P4HA2: variants seen among roughly 807,000 people sequenced by gnomAD.
The protein encoded by P4HA2 is prolyl 4-hydroxylase subunit alpha 2.
In P4HA2, 46 loss-of-function variants were observed where a neutral mutation model predicts 76.9. That is an observed-to-expected ratio of 0.60 (90% confidence interval 0.47 to 0.76). The LOEUF (loss-of-function observed/expected upper bound fraction) is 0.76, where lower values mean the gene tolerates loss of function less well. Among genes scored for constraint, P4HA2 ranks in the 30% least tolerant of loss-of-function variants. P4HA2 has a pLI of 0.00. For synonymous variants in P4HA2, 243 were observed against 254.0 expected (o/e 0.96, Z 0.41); for missense variants, 583 against 669.4 (o/e 0.87, Z 1.42).
Position 132,217,213 on chromosome 5 carries a change from C to A in P4HA2, c.315G>T (p.Leu105=), listed in dbSNP as rs200837492. 1 of 1,614,126 alleles carries A rather than the reference C, an allele frequency of 6.2e-7. No individual in the cohort carries two copies. The highest frequency in any genetic ancestry group is 1.1e-5 in the South Asian group (1 of 91,060). ...TDWPALEDLV[L]QDSAAGFIAN... The stretch of plus-strand genomic sequence containing the variant: ...GTCCCTCACCTGCAGCTGAGTCCTG[C>A]AGGACAAGGTCCTCCAGCGCAGGCC... Residue 105 remains leucine (L), a synonymous_variant, in exon 4 of 15, where the codon CTG becomes CTT. Transcript: ENST00000360568.
chr5:132,219,498 A>G (rs1754356013), intron 1 of P4HA2, among the ~76,000 whole-genome samples: 1 of 152,134 alleles, frequency 6.6e-6, no homozygotes, highest in African/African-American at 2.4e-5. Flanking sequence ...ACCTGAGACA[A>G]ACCCCACTGG....
chr5:132,211,036 C>T (rs1216666664), intron 5 of P4HA2, among the ~76,000 whole-genome samples: 1 of 152,204 alleles, frequency 6.6e-6, no homozygotes, highest in Non-Finnish European at 1.5e-5. Context: ...CCAGAAAGAA[C>T]AGACAATGAA....
At chr5:132,225,727 T>C (rs978939318) in intron 1 of P4HA2, among the ~76,000 whole-genome samples, 2 of 152,212 alleles carry the variant, frequency 1.3e-5, no homozygotes, top group African/African-American at 4.8e-5. Flanking sequence ...TGAGATCAGC[T>C]GGGGCCAGTC....
At position 132,218,196 on chromosome 5, in the gene P4HA2, A is replaced by G. The variant is rs138666817; in HGVS notation, c.83-348T>C. On this transcript the variant is annotated intron_variant, in intron 2 of 14. Coordinates refer to ENST00000360568, the MANE Select transcript of P4HA2 (RefSeq NM_001017974.2). Reference sequence around the variant, plus strand: ...CTCACCACAGGATAAAAAGCTCTGAACTTTAGGTCGGAAGGATAGGAAAAG... The same window carrying G: ...CTCACCACAGGATAAAAAGCTCTGAGCTTTAGGTCGGAAGGATAGGAAAAG... 1.4e-4 allele frequency among the ~76,000 whole-genome samples: 22 copies of G among 152,304 alleles called. 1 individual carries two copies. Among genetic ancestry groups the G allele is most frequent in the Non-Finnish European group, 3.1e-4 (21 of 68,018 alleles).
chr5:132,213,346 G>A (rs1014641074), intron 5 of P4HA2, among the ~76,000 whole-genome samples: 8 of 152,168 alleles, frequency 5.3e-5, no homozygotes, highest in Non-Finnish European at 8.8e-5. Flanking sequence ...TGGACAGAGT[G>A]TAGATTACTC....
At chr5:132,212,288 G>C (rs2126598779) in intron 5 of P4HA2, among the ~76,000 whole-genome samples, 1 of 152,314 alleles carries the variant, frequency 6.6e-6, no homozygotes, top group South Asian at 2.1e-4. Context: ...GTGAACAAAT[G>C]TGTGCTTAAG....
rs189889054 is a variant in P4HA2 at position 132,190,419 on chromosome 5, C to G, written c.*2591G>C. Among the ~76,000 whole-genome samples, 1 of 152,126 alleles carries G rather than the reference C, an allele frequency of 6.6e-6. No homozygotes were observed. Among genetic ancestry groups the G allele is most frequent in the Non-Finnish European group, 1.5e-5 (1 of 68,026 alleles). On this transcript the variant is annotated 3_prime_UTR_variant, in exon 15 of 15. Transcript: ENST00000360568. ...TGGAAGCCACTAGAGGGAGATTAGA[C>G]GGCAGTAGATAGCAATTGCCCTAGA...
At chr5:132,222,289 A>G (rs1486086080) in intron 1 of P4HA2, among the ~76,000 whole-genome samples, 2 of 152,196 alleles carry the variant, frequency 1.3e-5, no homozygotes, top group Non-Finnish European at 2.9e-5. Flanking sequence ...TCAGCCTAAG[A>G]GGATCCAGAG....
intron 8 of P4HA2, among the ~76,000 whole-genome samples, chr5:132,204,758 A>G (rs1434876225): frequency 6.6e-6 from 1 of 152,202 alleles, no homozygotes; most frequent in African/African-American, 2.4e-5. Flanking sequence ...TCAGATGATA[A>G]AACCAGGAAA....
intron 5 of P4HA2, 97 bp from the exon 6 acceptor site, chr5:132,210,620 G>A (rs994138196): frequency 1.7e-6 from 2 of 1,158,062 alleles, no homozygotes; most frequent in Non-Finnish European, 2.6e-6. Flanking sequence ...TGGATAGGGG[G>A]CATCACCAAG....
At chr5:132,203,933 A>G in intron 9 of P4HA2, 86 bp from the exon 10 acceptor site, 1 of 1,202,140 alleles carries the variant, frequency 8.3e-7, no homozygotes, top group Non-Finnish European at 1.2e-6. Context: ...AGTCAGGGCC[A>G]GCATGAACAG....
chr5:132,192,912 A>G lies in P4HA2; in HGVS notation c.*98T>C, dbSNP rs1372641695. 2.5e-5 allele frequency: 21 copies of G among 828,012 alleles called. No individual in the cohort carries two copies. The highest frequency in any genetic ancestry group is 4.4e-5 in the Non-Finnish European group (21 of 473,866). The allele number at this position is 828,012 out of a possible 1,614,324, so 51.3% of individuals were successfully genotyped here. On this transcript the variant is annotated 3_prime_UTR_variant, in exon 15 of 15. Transcript: ENST00000360568. ...CTCCAGACAAACATTCATTTCTCCA[A>G]AAATCAGCCTGATAGGAACATACAA...
chr5:132,201,595 A>C (rs1273173525), intron 10 of P4HA2: 1 of 152,230 alleles, frequency 6.6e-6, no homozygotes, highest in Admixed American at 6.5e-5. Flanking sequence ...GACAGTTCCT[A>C]GGAGAAGAAT....
chr5:132,214,777 A>G (rs1297998407), intron 4 of P4HA2, among the ~76,000 whole-genome samples: 3 of 152,148 alleles, frequency 2.0e-5, no homozygotes, highest in African/African-American at 7.2e-5. Context: ...CCCACCACTC[A>G]GACCTTCAAT....
intron 3 of P4HA2, 130 bp downstream of exon 3, chr5:132,217,622 A>G: frequency 1.4e-6 from 1 of 721,950 alleles, no homozygotes; most frequent in East Asian, 2.5e-5. Flanking sequence ...CACTGGCATG[A>G]AGTAACCAGG....
chr5:132,213,082 G>A (rs529422930), intron 5 of P4HA2, among the ~76,000 whole-genome samples: 1 of 152,210 alleles, frequency 6.6e-6, no homozygotes, highest in African/African-American at 2.4e-5. Context: ...GGCCACTTGA[G>A]AGAAAATGAC....
intron 5 of P4HA2, among the ~76,000 whole-genome samples, chr5:132,211,725 G>A (rs1753121873): frequency 6.6e-6 from 1 of 152,162 alleles, no homozygotes; most frequent in Non-Finnish European, 1.5e-5. Context: ...ACTGAGCTGG[G>A]GCTCTGGAGC....
intron 12 of P4HA2, among the ~76,000 whole-genome samples, chr5:132,197,602 C>A (rs2126537554): frequency 8.5e-6 from 1 of 117,590 alleles, no homozygotes; most frequent in East Asian, 2.5e-4. Flanking sequence ...AGCAAGACTC[C>A]ATCTCCAAAA....
Position 132,195,032 on chromosome 5 carries a change from A to G in P4HA2, c.1435-10T>C. 6.3e-7 allele frequency: 1 copy of G among 1,578,286 alleles called. No homozygotes were observed. Among genetic ancestry groups the G allele is most frequent in the Non-Finnish European group, 8.7e-7 (1 of 1,147,206 alleles). ...AGAACACAGCTGTACCCTGGGAAAG[A>G]GATGGCCTTTCAGAACACATTCTTA... On this transcript the variant is annotated splice_polypyrimidine_tract_variant and intron_variant, in intron 13 of 14. Transcript: ENST00000360568.
Sources: allele counts gnomAD v4.1 joint callset (sites outside exome capture counted in the v4.1 genomes callset), GRCh38; gene constraint gnomAD v4.1.1; transcripts MANE v1.5; gene names NCBI Gene and HGNC (gene_info 2026-07-23, HGNC 2026-07-21).